The following BFSP1 variants were observed in gnomAD, a reference collection of about 807,000 sequenced individuals.
The protein encoded by BFSP1 is beaded filament structural protein 1, also known as filensin.
In BFSP1, 38 loss-of-function variants were observed where a neutral mutation model predicts 43.9. The observed-to-expected ratio is 0.87, with a 90% CI of 0.67 to 1.14. The LOEUF is 1.14. Ranked by LOEUF, BFSP1 falls within the 50% of genes most tolerant of loss-of-function variation. The pLI, the probability that BFSP1 is intolerant of heterozygous loss-of-function variation, is 0.00. For missense variants in BFSP1, 850 were observed against 875.1 expected (o/e 0.97, Z 0.36); for synonymous variants, 352 against 354.8 (o/e 0.99, Z 0.09).
chr20:17,514,636 T>G, intron 3 of BFSP1, 85 bp downstream of exon 3: 1 of 1,338,414 alleles, frequency 7.5e-7, no homozygotes, highest in Non-Finnish European at 1.1e-6. Flanking sequence ...TCTAGCAGTC[T>G]GTTTTCAGCC....
chr20:17,534,100 T>C (rs142482477), upstream of BFSP1, among the ~76,000 whole-genome samples: 91 of 152,336 alleles, frequency 6.0e-4, 1 homozygote, highest in African/African-American at 1.9e-3. Context: ...ATATCACTGA[T>C]AGGAGACCAT....
intron 5 of BFSP1, among the ~76,000 whole-genome samples, chr20:17,502,311 G>T (rs1268882411): frequency 1.3e-5 from 2 of 152,164 alleles, no homozygotes; most frequent in Non-Finnish European, 2.9e-5. Context: ...TCACTCCATG[G>T]GGGTCTTGCC....
chr20:17,503,454 G>A (rs866041643), intron 5 of BFSP1, among the ~76,000 whole-genome samples: 1 of 152,160 alleles, frequency 6.6e-6, no homozygotes, highest in African/African-American at 2.4e-5. Context: ...TTTGGGTGTG[G>A]GTTCCCCAGC....
chr20:17,531,347 C>T lies in BFSP1; in HGVS notation c.-18G>A. On this transcript the variant is annotated 5_prime_UTR_variant, in exon 1 of 8. Coordinates refer to ENST00000377873, the MANE Select transcript of BFSP1 (RefSeq NM_001195.5). ...CGGTACATGGCTGCTCTGGCGCGGGCGCGCGGGCGGCGCCGAGCCGGCTCT... is the reference window on the plus strand; with the variant it reads ...CGGTACATGGCTGCTCTGGCGCGGGTGCGCGGGCGGCGCCGAGCCGGCTCT... The T allele has an allele frequency of 7.3e-7, 1 of 1,374,202 alleles. No homozygotes were observed. Among genetic ancestry groups the T allele is most frequent in the Non-Finnish European group, 9.3e-7 (1 of 1,069,674 alleles). The allele number at this position is 1,374,202 out of a possible 1,614,324, so 85.1% of individuals were successfully genotyped here. A position where few individuals can be genotyped will look rare whatever the true frequency, so the allele number is the denominator to read the frequency against.
intron 1 of BFSP1, among the ~76,000 whole-genome samples, chr20:17,567,659 C>G (rs1234580168): frequency 1.3e-5 from 2 of 152,078 alleles, no homozygotes; most frequent in African/African-American, 4.8e-5. Context: ...GTCGGGAGTT[C>G]AAGACCAGCC....
chr20:17,538,315 A>G (rs2034663401), intron 1 of BFSP1, among the ~76,000 whole-genome samples: 1 of 152,228 alleles, frequency 6.6e-6, no homozygotes, highest in Non-Finnish European at 1.5e-5. Flanking sequence ...ACATATATAA[A>G]TAAATACATA....
intron 6 of BFSP1, among the ~76,000 whole-genome samples, chr20:17,497,262 A>G (rs1331312890): frequency 2.0e-5 from 3 of 152,112 alleles, no homozygotes; most frequent in Admixed American, 2.0e-4. Context: ...AAAAAATTGT[A>G]AAGTGGGGAT....
intron 4 of BFSP1, 64 bp downstream of exon 4, chr20:17,511,912 C>T: frequency 6.9e-7 from 1 of 1,449,290 alleles, no homozygotes; most frequent in East Asian, 2.3e-5. Context: ...GAGCCCTTCC[C>T]TGGGAGTCTC....
rs989139840 is a variant in BFSP1 at position 17,531,040 on chromosome 20, T to C, written c.290A>G (p.Gln97Arg). The C allele has an allele frequency of 6.7e-5, 95 of 1,420,026 alleles. No individual in the cohort carries two copies. Among genetic ancestry groups the C allele is most frequent in the Middle Eastern group, 2.4e-4 (1 of 4,222 alleles). The allele number at this position is 1,420,026 out of a possible 1,614,324, so 88.0% of individuals were successfully genotyped here. A position where few individuals can be genotyped will look rare whatever the true frequency, so the allele number is the denominator to read the frequency against. ...CTCGGCCTCCAGGTCCCGGACGCGC[T>C]GGCGGTTGCTCTCGACTTGGCGGGC... is the stretch of plus-strand genomic sequence containing the variant. ...ALARQVESNR[Q>R]RVRDLEAERA... Residue 97 changes from glutamine (Q) to arginine (R), a missense_variant, in exon 1 of 8, where the codon CAG becomes CGG. Physicochemically the swap from Gln to Arg is conservative, Grantham distance 43 (BLOSUM62 1). Transcript: ENST00000377873.
chr20:17,516,257 G>A (rs2034197030), intron 2 of BFSP1, among the ~76,000 whole-genome samples: 1 of 152,180 alleles, frequency 6.6e-6, no homozygotes, highest in Admixed American at 6.5e-5. Flanking sequence ...AACCTGGGAG[G>A]CAGAGGTTGC....
At position 17,525,339 on chromosome 20, in the gene BFSP1, A is replaced by G. The variant is rs1452842210; in HGVS notation, c.378-431T>C. On this transcript the variant is annotated intron_variant, in intron 1 of 7. Transcript: ENST00000377873. This position sits in a 1 kb window ranked among gnomAD's most constrained non-coding sequence, Gnocchi z 4.2. ...CCTATAGTATTTTATTTGCTGACACATGTAATTTGTCAGTTTTTCTGGATT... is the reference window on the plus strand; with the variant it reads ...CCTATAGTATTTTATTTGCTGACACGTGTAATTTGTCAGTTTTTCTGGATT... 6.6e-6 allele frequency among the ~76,000 whole-genome samples: 1 copy of G among 152,212 alleles called. No homozygotes were observed. The highest frequency in any genetic ancestry group is 6.5e-5 in the Admixed American group (1 of 15,282).
chr20:17,548,196 A>AAG lies in BFSP1; in HGVS notation c.2+10491_2+10492insCT, dbSNP rs1555805362. On this transcript the variant is annotated intron_variant, in intron 1 of 7. Coordinates refer to the BFSP1 transcript ENST00000377868. ...AAAATAATGCAAAAAAAAAAAAAAA[A>AAG]AAAGAAAAACCCTCAAAAACGACAG... 4.8e-3 allele frequency among the ~76,000 whole-genome samples: 721 copies of AAG among 150,302 alleles called. 6 individuals are homozygous for AAG. The highest frequency in any genetic ancestry group is 0.017 in the African/African-American group (683 of 40,974).
At chr20:17,561,070 A>G (rs2035062761), upstream of BFSP1, among the ~76,000 whole-genome samples, 2 of 152,200 alleles carry the variant, frequency 1.3e-5, 1 homozygote, top group African/African-American at 4.8e-5. Flanking sequence ...TCAATCCTAC[A>G]TGCTGAAGAG....
exon 1 of BFSP1, chr20:17,558,825 C>T (rs775109633): frequency 7.5e-7 from 1 of 1,330,378 alleles, no homozygotes; most frequent in Non-Finnish European, 1.0e-6. Flanking sequence ...CAGGTCTGGG[C>T]TGAGAAAGAA....
chr20:17,541,251 G>C, intron 1 of BFSP1: 1 of 982,410 alleles, frequency 1.0e-6, no homozygotes, highest in South Asian at 4.7e-5. Context: ...TGAAATAAAA[G>C]ATAAAGTTTT....
At chr20:17,512,220 A>C (rs1194812385) in intron 3 of BFSP1, 152 bp from the exon 4 acceptor site, 1 of 605,316 alleles carries the variant, frequency 1.7e-6, no homozygotes, top group South Asian at 2.3e-5. Context: ...GAAGAGACTG[A>C]TGCATTTGCT....
At chr20:17,521,104 C>T (rs1050348102) in intron 2 of BFSP1, among the ~76,000 whole-genome samples, 7 of 152,076 alleles carry the variant, frequency 4.6e-5, no homozygotes, top group African/African-American at 1.2e-4. Flanking sequence ...TAACTTCATA[C>T]GTATATATTT....
chr20:17,555,288 C>CAAAAAAAAAAAA (rs929219257), intron 1 of BFSP1, among the ~76,000 whole-genome samples: 2 of 44,100 alleles, frequency 4.5e-5, no homozygotes, highest in African/African-American at 9.0e-5. Flanking sequence ...TCCTATCTCA[C>CAAAAAAAAAAAA]AAAAAAAAAA....
chr20:17,553,235 G>C (rs1443124426), intron 1 of BFSP1, among the ~76,000 whole-genome samples: 13 of 152,126 alleles, frequency 8.5e-5, no homozygotes, highest in Non-Finnish European at 1.9e-4. Context: ...CTAAGAATTG[G>C]CCATTGGATT....
Sources: gnomAD v4.1 joint callset for allele counts (sites outside exome capture counted in the v4.1 genomes callset) on GRCh38, gnomAD v4.1.1 for gene constraint, Gnocchi (gnomAD v3.1) non-coding constraint, MANE v1.5 for transcripts, NCBI Gene and HGNC (gene_info 2026-07-23, HGNC 2026-07-21) for gene names.